KCNJ3: variants seen among roughly 807,000 people sequenced by gnomAD.
The protein encoded by KCNJ3 is potassium inwardly rectifying channel subfamily J member 3, also known as G protein-activated inward rectifier potassium channel 1.
KCNJ3 carries 4 observed loss-of-function variants against 39.2 expected under a neutral mutation model. The observed-to-expected ratio is 0.10, with a 90% CI of 0.05 to 0.23. The LOEUF is 0.23. Ranked by LOEUF, KCNJ3 falls within the 10% of genes least tolerant of loss-of-function variation. The pLI, the probability that KCNJ3 is intolerant of heterozygous loss-of-function variation, is 1.00. For missense variants in KCNJ3, 276 were observed against 634.9 expected (o/e 0.43, Z 6.08); for synonymous variants, 230 against 237.4 (o/e 0.97, Z 0.29).
chr2:154,725,861 C>A (rs3111015), intron 2 of KCNJ3, among the ~76,000 whole-genome samples: 151,509 of 152,280 alleles, frequency 0.99, 75,375 homozygotes, highest in Middle Eastern at 1. Flanking sequence ...AATTGGGGAA[C>A]GGACATTCTA....
Position 154,780,391 on chromosome 2 carries a change from C to T in KCNJ3, c.919+70572C>T, listed in dbSNP as rs533508807. 1.1e-4 allele frequency among the ~76,000 whole-genome samples: 16 copies of T among 152,110 alleles called. No homozygotes were observed. In the South Asian group the frequency reaches 2.7e-3, roughly 26 times the overall value. On this transcript the variant is annotated intron_variant, in intron 2 of 2. Coordinates refer to ENST00000295101, the MANE Select transcript of KCNJ3 (RefSeq NM_002239.4). Reference sequence around the variant, plus strand: ...AGTTTATCTTATAGGTGATGGAGAACGATGCAACAATTTTAAGCAAAGAGG... The same window carrying T: ...AGTTTATCTTATAGGTGATGGAGAATGATGCAACAATTTTAAGCAAAGAGG...
chr2:154,725,431 C>T (rs970578078), intron 2 of KCNJ3, among the ~76,000 whole-genome samples: 6 of 151,474 alleles, frequency 4.0e-5, no homozygotes, highest in East Asian at 1.9e-4. Context: ...TCCTGAGAAA[C>T]GTTTTCCAGT....
At chr2:154,765,465 C>T (rs1686118109) in intron 2 of KCNJ3, among the ~76,000 whole-genome samples, 1 of 152,142 alleles carries the variant, frequency 6.6e-6, no homozygotes, top group Admixed American at 6.6e-5. Context: ...ACTTGTTCTG[C>T]CTGGTTCCCT....
At chr2:154,709,236 GA>G in intron 1 of KCNJ3, 6 of 217,522 alleles carry the variant, frequency 2.8e-5, no homozygotes, top group Non-Finnish European at 3.7e-5. Flanking sequence ...GCTGTGTTGA[GA>G]AAAAAAATAT....
At chr2:154,830,471 G>GA (rs928676074) in intron 2 of KCNJ3, among the ~76,000 whole-genome samples, 8 of 152,022 alleles carry the variant, frequency 5.3e-5, no homozygotes, top group Non-Finnish European at 7.4e-5. Flanking sequence ...TGTTTTTCCA[G>GA]AAAAGAGCCT....
intron 1 of KCNJ3, among the ~76,000 whole-genome samples, chr2:154,703,978 T>G (rs914478492): frequency 2.6e-5 from 4 of 152,044 alleles, no homozygotes; most frequent in Admixed American, 6.6e-5. Flanking sequence ...AGGTCCTGTA[T>G]TGGTTGGTGA....
At chr2:154,722,759 G>T (rs1685285511) in intron 2 of KCNJ3, among the ~76,000 whole-genome samples, 1 of 152,152 alleles carries the variant, frequency 6.6e-6, no homozygotes, top group East Asian at 1.9e-4. Flanking sequence ...CTGGAGGTGG[G>T]TAGAACAATT....
intron 2 of KCNJ3, among the ~76,000 whole-genome samples, chr2:154,760,199 A>G (rs1686013599): frequency 6.6e-6 from 1 of 152,188 alleles, no homozygotes; most frequent in South Asian, 2.1e-4. Flanking sequence ...GAAATGTTAC[A>G]CTGCCATTGT....
chr2:154,767,475 G>T (rs556592506), intron 2 of KCNJ3, among the ~76,000 whole-genome samples: 8 of 152,186 alleles, frequency 5.3e-5, no homozygotes, highest in African/African-American at 1.9e-4. Context: ...TGAGAATGAT[G>T]GTTTCCAGCT....
chr2:154,838,606 A>AAGTT (rs1388637166), intron 2 of KCNJ3, among the ~76,000 whole-genome samples: 4 of 152,224 alleles, frequency 2.6e-5, no homozygotes, highest in African/African-American at 4.8e-5. Context: ...TTGTAATGGT[A>AAGTT]AGTTAGAACT....
At chr2:154,701,267 T>C (rs1684891932) in intron 1 of KCNJ3, among the ~76,000 whole-genome samples, 1 of 152,162 alleles carries the variant, frequency 6.6e-6, no homozygotes, top group African/African-American at 2.4e-5. Context: ...TGAGACTTAC[T>C]GAAGAGTAGT....
intron 2 of KCNJ3, among the ~76,000 whole-genome samples, chr2:154,846,480 A>G (rs1188155719): frequency 6.6e-6 from 1 of 152,150 alleles, no homozygotes; most frequent in African/African-American, 2.4e-5. Context: ...ATAACCATAT[A>G]CATTATATAT....
chr2:154,777,823 G>A (rs1000509173), intron 2 of KCNJ3, among the ~76,000 whole-genome samples: 3 of 152,086 alleles, frequency 2.0e-5, no homozygotes, highest in Middle Eastern at 3.4e-3. Context: ...ATTTAGACTC[G>A]GTTGGCAAAA....
At chr2:154,799,400 A>G (rs1270984088) in intron 2 of KCNJ3, among the ~76,000 whole-genome samples, 1 of 152,204 alleles carries the variant, frequency 6.6e-6, no homozygotes, top group East Asian at 1.9e-4. Context: ...CTGGGATTAC[A>G]GGCATGAGCC....
At chr2:154,782,602 A>G (rs1320747192) in intron 2 of KCNJ3, among the ~76,000 whole-genome samples, 1 of 152,122 alleles carries the variant, frequency 6.6e-6, no homozygotes, top group Non-Finnish European at 1.5e-5. Context: ...GCCAAATGAC[A>G]TGATAAAATA....
chr2:154,780,726 G>T (rs2053671), intron 2 of KCNJ3, among the ~76,000 whole-genome samples: 132,885 of 152,194 alleles, frequency 0.87, 58,634 homozygotes, highest in East Asian at 1. Flanking sequence ...AATGTTATAC[G>T]TGTATACCAT....
chr2:154,850,553 T>C (rs917123627), intron 2 of KCNJ3, among the ~76,000 whole-genome samples: 24 of 152,226 alleles, frequency 1.6e-4, no homozygotes, highest in African/African-American at 5.5e-4. Flanking sequence ...TTTTCTGTTA[T>C]CCAATTTATA....
chr2:154,804,515 T>A (rs1174592676), intron 2 of KCNJ3, among the ~76,000 whole-genome samples: 1 of 152,012 alleles, frequency 6.6e-6, no homozygotes, highest in African/African-American at 2.4e-5. Context: ...GTCAGGTGAG[T>A]AAAAATGAAG....
chr2:154,821,635 A>T (rs370872654), intron 2 of KCNJ3, among the ~76,000 whole-genome samples: 50 of 88,064 alleles, frequency 5.7e-4, no homozygotes, highest in South Asian at 9.1e-4. Flanking sequence ...AGAATATGTG[A>T]TTTTTTTTTT....
Sources: gnomAD v4.1 joint callset for allele counts (sites outside exome capture counted in the v4.1 genomes callset) on GRCh38, gnomAD v4.1.1 for gene constraint, MANE v1.5 for transcripts, NCBI Gene and HGNC (gene_info 2026-07-23, HGNC 2026-07-21) for gene names.